SSU72: variants seen among roughly 807,000 people sequenced by gnomAD.
SSU72 encodes the protein SSU72 homolog, RNA polymerase II CTD phosphatase.
SSU72 carries 12 observed loss-of-function variants against 22.7 expected under a neutral mutation model. The ratio of observed to expected loss-of-function variants is 0.53; its 90% CI spans 0.34 to 0.86. The LOEUF is 0.86. SSU72 is among the 40% of genes least tolerant of loss of function. The probability of loss-of-function intolerance (pLI) is 0.02; values close to 1 mark genes in which losing one functional copy is unlikely to be tolerated. For synonymous variants in SSU72, 116 were observed against 98.3 expected (o/e 1.18, Z -1.06); for missense variants, 151 against 249.8 (o/e 0.60, Z 2.67).
intron 2 of SSU72, among the ~76,000 whole-genome samples, chr1:1,559,073 G>C (rs146887222): frequency 3.3e-5 from 5 of 152,216 alleles, no homozygotes; most frequent in African/African-American, 9.7e-5. Flanking sequence ...CAAGCCCCTC[G>C]GCAGGACACC....
chr1:1,554,619 C>T lies in SSU72; in HGVS notation c.225-9617G>A, dbSNP rs1642497687. 6.6e-6 allele frequency among the ~76,000 whole-genome samples: 1 copy of T among 152,112 alleles called. No individual in the cohort carries two copies. The highest frequency in any genetic ancestry group is 1.5e-5 in the Non-Finnish European group (1 of 68,022). On this transcript the variant is annotated intron_variant, in intron 2 of 4. Transcript: ENST00000291386. This position sits in a 1 kb window ranked among gnomAD's most constrained non-coding sequence, Gnocchi z 4.1. Reference sequence around the variant, plus strand: ...GCAGCTGCCCATCCCACAGGAGAACCGAGAGGCCAGGACCACACTACCCTG... The same window carrying T: ...GCAGCTGCCCATCCCACAGGAGAACTGAGAGGCCAGGACCACACTACCCTG...
intron 2 of SSU72, among the ~76,000 whole-genome samples, chr1:1,547,918 C>T (rs377766804): frequency 1.8e-4 from 27 of 152,364 alleles, no homozygotes; most frequent in Admixed American, 8.5e-4. Context: ...GTCCCACTGA[C>T]GCAAAGCGTT....
At chr1:1,547,926 G>A (rs1394335590) in intron 2 of SSU72, among the ~76,000 whole-genome samples, 2 of 152,216 alleles carry the variant, frequency 1.3e-5, no homozygotes, top group South Asian at 4.1e-4. Flanking sequence ...GACGCAAAGC[G>A]TTCGACATTG....
Position 1,542,785 on chromosome 1 carries a change from T to C in SSU72, c.484-618A>G, listed in dbSNP as rs1642339256. On this transcript the variant is annotated intron_variant, in intron 4 of 4. Transcript: ENST00000291386. This position sits in a 1 kb window ranked among gnomAD's most constrained non-coding sequence, Gnocchi z 4.4. ...CAAGCAGAAATCGTGCAATAACTTC[T>C]GGGACGACATTTTCTTATGACCTTT... is the stretch of plus-strand genomic sequence containing the variant. 6.6e-6 allele frequency among the ~76,000 whole-genome samples: 1 copy of C among 152,094 alleles called. No individual in the cohort carries two copies. The highest frequency in any genetic ancestry group is 2.1e-4 in the South Asian group (1 of 4,832).
At chr1:1,570,571 C>A (rs1158639678) in intron 1 of SSU72, among the ~76,000 whole-genome samples, 1 of 152,042 alleles carries the variant, frequency 6.6e-6, no homozygotes, top group East Asian at 1.9e-4. Context: ...TGCAGGGACC[C>A]CCCCCACCCC....
At chr1:1,549,518 CAA>C (rs57552661) in intron 2 of SSU72, among the ~76,000 whole-genome samples, 3 of 100,798 alleles carry the variant, frequency 3.0e-5, no homozygotes, top group Admixed American at 1.1e-4. Context: ...GACTCTGTCT[CAA>C]AAAAAAAAAA....
intron 2 of SSU72, among the ~76,000 whole-genome samples, chr1:1,551,562 C>T (rs1182296631): frequency 6.9e-6 from 1 of 145,014 alleles, no homozygotes; most frequent in African/African-American, 2.7e-5. Context: ...CACTCAGATT[C>T]CCAGAGCCCA....
chr1:1,572,880 G>GC (rs1557508318), intron 1 of SSU72, among the ~76,000 whole-genome samples: 3 of 124,874 alleles, frequency 2.4e-5, no homozygotes. Flanking sequence ...TTTGTCTTGG[G>GC]GGGGGGGGGG....
At chr1:1,559,043 G>A (rs887918965) in intron 2 of SSU72, among the ~76,000 whole-genome samples, 49 of 152,234 alleles carry the variant, frequency 3.2e-4, no homozygotes, top group African/African-American at 1.1e-3. Context: ...GCCTCTGCAC[G>A]TGACCCTGGG....
chr1:1,560,889 C>T (rs1417184722), intron 2 of SSU72: 2 of 152,184 alleles, frequency 1.3e-5, no homozygotes, highest in Admixed American at 1.3e-4. Context: ...TTATTGAAGG[C>T]TTTAAAACAC....
At chr1:1,558,475 C>A (rs1228395800) in intron 2 of SSU72, among the ~76,000 whole-genome samples, 2 of 152,336 alleles carry the variant, frequency 1.3e-5, no homozygotes, top group East Asian at 3.9e-4. Flanking sequence ...CAGACACAGG[C>A]TTGGTCTCCA....
intron 1 of SSU72, among the ~76,000 whole-genome samples, chr1:1,566,662 C>A (rs944511008): frequency 3.9e-5 from 6 of 152,088 alleles, no homozygotes; most frequent in African/African-American, 1.4e-4. Flanking sequence ...ACCAGCCTGG[C>A]TAACATGGTG....
chr1:1,564,528 A>G (rs1642634399), intron 2 of SSU72: 1 of 1,539,342 alleles, frequency 6.5e-7, no homozygotes, highest in Admixed American at 2.0e-5. Flanking sequence ...CCCTCTGCTG[A>G]ACCACGTCAG....
At chr1:1,562,252 A>T (rs1483543970) in intron 2 of SSU72, 1 of 118,116 alleles carries the variant, frequency 8.5e-6, no homozygotes, top group Non-Finnish European at 1.6e-5. Context: ...GATGTGCGTC[A>T]CTCTCTGCTT....
chr1:1,544,938 T>C lies in SSU72; in HGVS notation c.289A>G (p.Arg97Gly). The change falls in exon 3 of 5, where the codon AGA becomes GGA. Residue 97 changes from arginine (R) to glycine (G), a missense_variant. Physicochemically the swap from Arg to Gly is moderately radical, Grantham distance 125. Coordinates refer to ENST00000291386, the MANE Select transcript of SSU72 (RefSeq NM_014188.3). ...AACAGGTCTTTGCAGTTCTGGAATC[T>C]TTCTGGCCGGGGCTTGATTCTCTTA... is the stretch of plus-strand genomic sequence containing the variant. Reference protein sequence around the residue: ...RNKRIKPRPERFQNCKDLFDL... With the variant: ...RNKRIKPRPEGFQNCKDLFDL... 6.2e-7 allele frequency: 1 copy of C among 1,614,244 alleles called. No homozygotes were observed. The highest frequency in any genetic ancestry group is 8.5e-7 in the Non-Finnish European group (1 of 1,180,040).
intron 2 of SSU72, among the ~76,000 whole-genome samples, chr1:1,560,151 C>T (rs1642570303): frequency 6.6e-6 from 1 of 152,128 alleles, no homozygotes; most frequent in Admixed American, 6.6e-5. Context: ...TGCATCCAGC[C>T]CCATGTATGT....
chr1:1,568,325 C>T (rs866363618), intron 1 of SSU72, among the ~76,000 whole-genome samples: 14 of 152,172 alleles, frequency 9.2e-5, no homozygotes, highest in African/African-American at 3.4e-4. Flanking sequence ...AAAAATCTAT[C>T]AGAGGGCTTG....
At chr1:1,559,014 A>G (rs1231125511) in intron 2 of SSU72, among the ~76,000 whole-genome samples, 1 of 152,210 alleles carries the variant, frequency 6.6e-6, no homozygotes, top group African/African-American at 2.4e-5. Context: ...TTCAGTGTAA[A>G]ATGAAAAAAA....
chr1:1,548,427 C>T (rs529008036), intron 2 of SSU72, among the ~76,000 whole-genome samples: 71 of 152,228 alleles, frequency 4.7e-4, no homozygotes, highest in African/African-American at 1.3e-3. Flanking sequence ...TCGTGGCAGG[C>T]GCCTTAGTCC....
Sources: gnomAD v4.1 joint callset for allele counts (sites outside exome capture counted in the v4.1 genomes callset) on GRCh38, gnomAD v4.1.1 for gene constraint, Gnocchi (gnomAD v3.1) non-coding constraint, MANE v1.5 for transcripts, NCBI Gene and HGNC (gene_info 2026-07-23, HGNC 2026-07-21) for gene names.